ERICH1: variants seen among roughly 807,000 people sequenced by gnomAD.
ERICH1 encodes the protein glutamate rich 1, also known as glutamate-rich protein 1.
A neutral mutation model predicts 39.6 loss-of-function variants in ERICH1; 56 were observed. The ratio of observed to expected loss-of-function variants is 1.41; its 90% CI spans 1.14 to 1.77. The LOEUF (loss-of-function observed/expected upper bound fraction) is 1.77. Ranked by LOEUF, ERICH1 falls within the 40% of genes most tolerant of loss-of-function variation. ERICH1 has a pLI of 0.00. For synonymous variants in ERICH1, 313 were observed against 223.6 expected (o/e 1.40, Z -3.57); for missense variants, 826 against 575.4 (o/e 1.44, Z -4.45).
At chr8:681,350 A>C (rs534638156) in intron 3 of ERICH1, among the ~76,000 whole-genome samples, 1 of 152,358 alleles carries the variant, frequency 6.6e-6, no homozygotes, top group Admixed American at 6.5e-5. Flanking sequence ...AACATCCTCT[A>C]ACTCTGTCTT....
chr8:685,963 G>A (rs1188181245), intron 3 of ERICH1, among the ~76,000 whole-genome samples: 5 of 147,694 alleles, frequency 3.4e-5, no homozygotes, highest in Non-Finnish European at 7.4e-5. Context: ...TGGCCAACAT[G>A]GTGAAACCCC....
At chr8:729,990 A>G (rs1227886663) in intron 1 of ERICH1, among the ~76,000 whole-genome samples, 2 of 152,146 alleles carry the variant, frequency 1.3e-5, no homozygotes, top group African/African-American at 4.8e-5. Flanking sequence ...CCCACCAAGA[A>G]GGCAGGCACA....
rs568173734 is a variant in ERICH1, at chr8:664,277, T to A, written c.*326A>T. The A allele has an allele frequency of 9.8e-7, 1 of 1,017,418 alleles. No homozygotes were observed. Among genetic ancestry groups the A allele is most frequent in the Non-Finnish European group, 1.2e-6 (1 of 851,320 alleles). The allele number at this position is 1,017,418 out of a possible 1,614,324, so 63.0% of individuals were successfully genotyped here. A position where few individuals can be genotyped will look rare whatever the true frequency, so the allele number is the denominator to read the frequency against. ...TTCAGATACAAGGTGATTCAAAACT[T>A]CATAAAAATATATGAGCTTCAAACT... On this transcript the variant is annotated 3_prime_UTR_variant, in exon 6 of 6. Coordinates refer to ENST00000262109, the MANE Select transcript of ERICH1 (RefSeq NM_207332.3).
At chr8:685,988 A>T (rs1807253020) in intron 3 of ERICH1, among the ~76,000 whole-genome samples, 2 of 90,238 alleles carry the variant, frequency 2.2e-5, no homozygotes, top group Admixed American at 2.7e-4. Flanking sequence ...CTACTAAAAA[A>T]TACCAAAAAA....
intron 3 of ERICH1, among the ~76,000 whole-genome samples, chr8:628,769 G>A (rs1032281052): frequency 5.3e-5 from 8 of 152,198 alleles, no homozygotes; most frequent in African/African-American, 1.4e-4. Context: ...CAGCCCTGGG[G>A]TGAAAATCCT....
chr8:720,099 T>A (rs1394726742), intron 1 of ERICH1, among the ~76,000 whole-genome samples: 1 of 152,118 alleles, frequency 6.6e-6, no homozygotes, highest in South Asian at 2.1e-4. Flanking sequence ...GAACACAAAA[T>A]CTCATCATGT....
intron 3 of ERICH1, among the ~76,000 whole-genome samples, chr8:651,790 C>T (rs898674204): frequency 2.6e-5 from 4 of 151,958 alleles, no homozygotes; most frequent in African/African-American, 9.7e-5. Flanking sequence ...GGTTTCCCTT[C>T]GGCAGCCACT....
Position 647,387 on chromosome 8 carries a change from G to C in ERICH1, c.976+21211C>G, listed in dbSNP as rs1799535089. On this transcript the variant is annotated intron_variant, in intron 3 of 3. Transcript: ENST00000522706. ...TGCCATGGTGCACTGGCATGAGTTT[G>C]AATGAATTATACCTTGACACTGGAC... Among the ~76,000 whole-genome samples, 5 of 67,938 alleles carry C rather than the reference G, an allele frequency of 7.4e-5. 2 individuals are homozygous for C. The South Asian group carries it at 2.7e-3, about 37-fold the overall frequency. The allele number at this position is 67,938 out of a possible 152,430, so 44.6% of individuals were successfully genotyped here.
intron 3 of ERICH1, among the ~76,000 whole-genome samples, chr8:641,829 C>T (rs1563180365): frequency 6.6e-6 from 1 of 152,194 alleles, no homozygotes; most frequent in Non-Finnish European, 1.5e-5. Flanking sequence ...TCAGAATCAA[C>T]GCCCCGGCTC....
In ERICH1 at chr8:689,634, C is replaced by T. The variant is rs925281; in HGVS notation, c.304+2844G>A. Among the ~76,000 whole-genome samples the T allele has an allele frequency of 1.4e-3, 212 of 152,270 alleles. 1 individual carries two copies. The highest frequency in any genetic ancestry group is 4.8e-3 in the African/African-American group (201 of 41,554). ...GGGAAGAGGCATGTTGGGGGCACTG[C>T]GGACATTTTCTTCTAAAAATTACAT... On this transcript the variant is annotated intron_variant, in intron 3 of 5. Transcript: ENST00000262109.
intron 2 of ERICH1, among the ~76,000 whole-genome samples, chr8:698,901 T>G (rs1811013384): frequency 1.3e-4 from 2 of 15,948 alleles, no homozygotes; most frequent in South Asian, 3.2e-3. Flanking sequence ...CTCTGTGAGT[T>G]TTTTTTTTTT....
chr8:715,639 C>G (rs1815761910), intron 2 of ERICH1, among the ~76,000 whole-genome samples: 1 of 152,236 alleles, frequency 6.6e-6, no homozygotes. Context: ...GTAAATGACC[C>G]CAAAAAGGCA....
At chr8:674,080 G>A in intron 3 of ERICH1, 33 bp from the exon 4 acceptor site, 1 of 1,507,058 alleles carries the variant, frequency 6.6e-7, no homozygotes, top group Non-Finnish European at 8.8e-7. Context: ...ACAATTTTCA[G>A]TACAATGAAA....
chr8:616,236 G>A, intron 3 of ERICH1: 1 of 242,870 alleles, frequency 4.1e-6, no homozygotes, highest in Non-Finnish European at 8.3e-6. Context: ...GAGTTTCTCT[G>A]TGTTCAAATG....
At chr8:701,974 G>C (rs143264240) in intron 2 of ERICH1, among the ~76,000 whole-genome samples, 3,023 of 151,844 alleles carry the variant, frequency 0.02, 95 homozygotes, top group African/African-American at 0.069. Context: ...CTACTCGGGA[G>C]GCTGAGGCAT....
intron 5 of ERICH1, chr8:667,587 G>A (rs12547333): frequency 0.37 from 56,063 of 153,030 alleles, 10,311 homozygotes; most frequent in South Asian, 0.47. Flanking sequence ...GCACCATGCA[G>A]GGCAACACAA....
At chr8:656,323 G>A (rs13259856) in intron 3 of ERICH1, among the ~76,000 whole-genome samples, 26,970 of 152,114 alleles carry the variant, frequency 0.18, 3,016 homozygotes, top group East Asian at 0.37. Flanking sequence ...GGGGTAAGGT[G>A]AGGCTTCGGG....
chr8:675,077 A>G (rs1804377034), intron 3 of ERICH1, among the ~76,000 whole-genome samples: 2 of 152,200 alleles, frequency 1.3e-5, no homozygotes, highest in African/African-American at 2.4e-5. Flanking sequence ...CACCATGGAT[A>G]AACCATGGCA....
chr8:688,021 C>G (rs1320078304), intron 3 of ERICH1, among the ~76,000 whole-genome samples: 1 of 152,140 alleles, frequency 6.6e-6, no homozygotes, highest in African/African-American at 2.4e-5. Flanking sequence ...CAGCTCCCGC[C>G]GAGGCCCTGG....
Sources: allele counts gnomAD v4.1 joint callset (sites outside exome capture counted in the v4.1 genomes callset), GRCh38; gene constraint gnomAD v4.1.1; transcripts MANE v1.5; gene names NCBI Gene and HGNC (gene_info 2026-07-23, HGNC 2026-07-21).